The following MRPS5 variants were observed in gnomAD, a reference collection of about 807,000 sequenced individuals.
The protein encoded by MRPS5 is mitochondrial ribosomal protein S5.
Under a neutral mutation model 51.9 loss-of-function variants are expected in MRPS5, and 27 were observed. The ratio of observed to expected loss-of-function variants is 0.52; its 90% CI spans 0.38 to 0.72. The LOEUF (loss-of-function observed/expected upper bound fraction) is 0.72, where lower values mean the gene tolerates loss of function less well. Ranked by LOEUF, MRPS5 falls within the 30% of genes least tolerant of loss-of-function variation. The probability of loss-of-function intolerance (pLI) is 0.00; values close to 1 mark genes in which losing one functional copy is unlikely to be tolerated. For missense variants in MRPS5, 570 were observed against 545.7 expected (o/e 1.04, Z -0.44); for synonymous variants, 196 against 193.2 (o/e 1.01, Z -0.12).
At chr2:95,107,170 A>G in intron 5 of MRPS5, among the ~76,000 whole-genome samples, 1 of 152,238 alleles carries the variant, frequency 6.6e-6, no homozygotes, top group Non-Finnish European at 1.5e-5. Flanking sequence ...ATCAACTTAC[A>G]GCCAATCTTT....
intron 9 of MRPS5, 84 bp downstream of exon 9, chr2:95,100,753 G>A: frequency 9.4e-7 from 1 of 1,067,612 alleles, no homozygotes; most frequent in South Asian, 1.5e-5. Context: ...GAAACACAAA[G>A]ATACCTATAG....
At chr2:95,100,289 C>T (rs1675758452) in intron 10 of MRPS5, among the ~76,000 whole-genome samples, 185 bp downstream of exon 10, 1 of 152,188 alleles carries the variant, frequency 6.6e-6, no homozygotes, top group Non-Finnish European at 1.5e-5. Flanking sequence ...CTCACAGTAG[C>T]CTGTGTGCCT....
chr2:95,114,734 G>A (rs1406735095), intron 3 of MRPS5, among the ~76,000 whole-genome samples: 1 of 152,090 alleles, frequency 6.6e-6, no homozygotes. Flanking sequence ...TTTCCAATTA[G>A]ATGTCCTGTC....
chr2:95,110,765 A>G (rs1350762511), intron 3 of MRPS5, among the ~76,000 whole-genome samples: 11 of 152,206 alleles, frequency 7.2e-5, no homozygotes, highest in Non-Finnish European at 1.6e-4. Context: ...ACTGCACTCC[A>G]GCCTTGGGGA....
chr2:95,117,806 C>A, intron 2 of MRPS5, 59 bp downstream of exon 2: 1 of 1,388,154 alleles, frequency 7.2e-7, no homozygotes, highest in Non-Finnish European at 9.9e-7. Context: ...TTTAAAACTA[C>A]AGAAACTACT....
intron 11 of MRPS5, among the ~76,000 whole-genome samples, 163 bp downstream of exon 11, chr2:95,090,221 CAA>C (rs1675421740): frequency 6.7e-6 from 1 of 149,068 alleles, no homozygotes; most frequent in Non-Finnish European, 1.5e-5. Context: ...ATGAACTTGT[CAA>C]TGGATTTAAC....
intron 9 of MRPS5, 128 bp downstream of exon 9, chr2:95,100,709 A>C: frequency 1.1e-6 from 1 of 900,532 alleles, no homozygotes; most frequent in Non-Finnish European, 1.7e-6. Flanking sequence ...ATTTGTTTTC[A>C]CACTTCATAT....
chr2:95,105,319 G>A (rs750153615), intron 6 of MRPS5, among the ~76,000 whole-genome samples: 85 of 152,200 alleles, frequency 5.6e-4, no homozygotes, highest in Non-Finnish European at 9.4e-4. Flanking sequence ...GGAGGCCGAC[G>A]CAGACGGATC....
chr2:95,109,786 G>T, intron 4 of MRPS5, 130 bp downstream of exon 4: 1 of 1,053,836 alleles, frequency 9.5e-7, no homozygotes, highest in Non-Finnish European at 1.3e-6. Flanking sequence ...TCAACTGGTT[G>T]AATTCTAAAA....
In MRPS5 at chr2:95,087,587, C is replaced by A; in HGVS notation, c.1069-6G>T. The A allele has an allele frequency of 6.2e-7, 1 of 1,610,308 alleles. No individual in the cohort carries two copies. The highest frequency in any genetic ancestry group is 1.3e-5 in the African/African-American group (1 of 74,826). On this transcript the variant is annotated splice_region_variant and splice_polypyrimidine_tract_variant and intron_variant, in intron 11 of 11. Coordinates refer to ENST00000272418, the MANE Select transcript of MRPS5 (RefSeq NM_031902.5). ...GCCAGCTGTTGATGGGTTTCCTAAG[C>A]AAGACCAAATTCAGAACAGGTTAGG...
At chr2:95,104,434 G>A in intron 7 of MRPS5, 2 of 602,922 alleles carry the variant, frequency 3.3e-6, no homozygotes, top group East Asian at 2.9e-5. Flanking sequence ...CAGAGGAAAA[G>A]GCAAGTACAG....
rs1287730371 is a variant in MRPS5, at chr2:95,117,931, T to C, written c.73A>G (p.Arg25Gly). The C allele has an allele frequency of 1.9e-6, 3 of 1,600,210 alleles. No homozygotes were observed. The highest frequency in any genetic ancestry group is 2.5e-6 in the Non-Finnish European group (3 of 1,176,874). Residue 25 changes from arginine (R) to glycine (G), a missense_variant, in exon 2 of 12, where the codon AGG (arginine) becomes GGG (glycine). Transcript: ENST00000272418. ...CSGTAGHLLGRQCSLNTLPAA... is the reference protein window; with the variant it reads ...CSGTAGHLLGGQCSLNTLPAA... ...GGTAAGGTGTTTAGGGAACACTGCCTCCCCAATAAATGACCTGCAAATTGG... is the reference window on the plus strand; with the variant it reads ...GGTAAGGTGTTTAGGGAACACTGCCCCCCCAATAAATGACCTGCAAATTGG...
intron 1 of MRPS5, among the ~76,000 whole-genome samples, chr2:95,119,375 T>G (rs1047913201): frequency 5.9e-5 from 9 of 151,990 alleles, no homozygotes; most frequent in Middle Eastern, 6.3e-3. Context: ...TTTGGGAGAC[T>G]AAGGCGGGAG....
intron 7 of MRPS5, chr2:95,104,183 GA>G (rs1029465812): frequency 1.9e-5 from 3 of 160,874 alleles, no homozygotes; most frequent in African/African-American, 7.4e-5. Flanking sequence ...TTTTAAAAAA[GA>G]AAAAAACAAA....
chr2:95,087,169 G>C lies in MRPS5; in HGVS notation c.*188C>G. 1 of 550,244 alleles carries C rather than the reference G, an allele frequency of 1.8e-6. No homozygotes were observed. Among genetic ancestry groups the C allele is most frequent in the East Asian group, 2.9e-5 (1 of 34,410 alleles). 34.1% of individuals were successfully genotyped at this position (550,244 alleles called of 1,614,324 possible). A position where few individuals can be genotyped will look rare whatever the true frequency, so the allele number is the denominator to read the frequency against. On this transcript the variant is annotated 3_prime_UTR_variant, in exon 12 of 12. Coordinates refer to ENST00000272418, the MANE Select transcript of MRPS5 (RefSeq NM_031902.5). ...TCTTGAACTGAGATATGTATGTAAAGGTTCTATCACATTGGCATATAACAT... is the reference window on the plus strand; with the variant it reads ...TCTTGAACTGAGATATGTATGTAAACGTTCTATCACATTGGCATATAACAT...
At chr2:95,118,082 C>T in intron 1 of MRPS5, 137 bp from the exon 2 acceptor site, 1 of 606,194 alleles carries the variant, frequency 1.6e-6, no homozygotes, top group Non-Finnish European at 2.8e-6. Context: ...TCCAGGACAA[C>T]TTGTCAAGTA....
At chr2:95,092,124 T>G (rs543144206) in intron 10 of MRPS5, 20 of 152,356 alleles carry the variant, frequency 1.3e-4, no homozygotes, top group Non-Finnish European at 2.9e-4. Flanking sequence ...CTGGCCACTG[T>G]GTGACACATA....
chr2:95,103,835 A>C (rs1558681360), intron 7 of MRPS5: 1 of 152,026 alleles, frequency 6.6e-6, no homozygotes, highest in East Asian at 1.9e-4. Context: ...TTATGGCTAT[A>C]ATGTGATCCC....
intron 10 of MRPS5, among the ~76,000 whole-genome samples, chr2:95,098,503 T>C (rs938183069): frequency 2.0e-5 from 3 of 152,164 alleles, no homozygotes; most frequent in African/African-American, 7.2e-5. Context: ...CTGAATACTA[T>C]GCAGCCATAA....
Sources: allele counts gnomAD v4.1 joint callset (sites outside exome capture counted in the v4.1 genomes callset), GRCh38; gene constraint gnomAD v4.1.1; transcripts MANE v1.5; gene names NCBI Gene and HGNC (gene_info 2026-07-23, HGNC 2026-07-21).